Variants in MX2 observed in about 807,000 individuals in gnomAD.
MX2 encodes the protein MX dynamin like GTPase 2, also known as interferon-induced GTP-binding protein Mx2.
MX2 carries 51 observed loss-of-function variants against 74.0 expected under a neutral mutation model. The ratio of observed to expected loss-of-function variants is 0.69; its 90% CI spans 0.55 to 0.87. The LOEUF (loss-of-function observed/expected upper bound fraction) is 0.87, where lower values mean the gene tolerates loss of function less well. Ranked by LOEUF, MX2 falls within the 40% of genes least tolerant of loss-of-function variation. MX2 has a pLI of 0.00. For synonymous variants in MX2, 369 were observed against 339.3 expected, an observed-to-expected ratio of 1.09 and a Z score of -0.96; for missense variants, 832 against 908.7, an observed-to-expected ratio of 0.92 and a Z score of 1.09.
At position 41,406,917 on chromosome 21, in the gene MX2, G is replaced by C; in HGVS notation, c.1824G>C (p.Lys608Asn). The C allele has an allele frequency of 6.2e-7, 1 of 1,614,142 alleles. No individual in the cohort carries two copies. The highest frequency in any genetic ancestry group is 8.5e-7 in the Non-Finnish European group (1 of 1,180,004). The change falls in exon 13 of 14, where the codon AAG becomes AAC. Residue 608 changes from lysine to asparagine, a missense_variant. Lys to Asn is a moderately conservative substitution (Grantham distance 94). Transcript: ENST00000330714. The stretch of plus-strand genomic sequence containing the variant: ...TGGGGACGCCTTCACAGAATATGAA[G>C]TTGAACTCTCATTTTCCCAGTAATG... The part of the protein sequence containing the change: ...NPLGTPSQNM[K>N]LNSHFPSNES...
At chr21:41,376,240 A>C (rs1043601354) in intron 1 of MX2, among the ~76,000 whole-genome samples, 1 of 152,212 alleles carries the variant, frequency 6.6e-6, no homozygotes, top group Non-Finnish European at 1.5e-5. Flanking sequence ...GACCATCAGA[A>C]GTGACAAAGG....
chr21:41,403,190 G>A (rs2089836291), intron 11 of MX2, 77 bp from the exon 12 acceptor site: 3 of 1,218,598 alleles, frequency 2.5e-6, no homozygotes, highest in Admixed American at 3.7e-5. Flanking sequence ...TCCTCCCTGT[G>A]TCTTTAACCA....
rs191354980 is a variant in MX2, at chr21:41,396,200, C to T, written c.1070+415C>T. On this transcript the variant is annotated intron_variant, in intron 7 of 13. Transcript: ENST00000330714. ...ACTTCCAGAAACCCGTGTGTACCAC[C>T]GTAAACGGCACACAGGAAAACCTGC... is the stretch of plus-strand genomic sequence containing the variant. Among the ~76,000 whole-genome samples the T allele has an allele frequency of 2.6e-5, 4 of 152,280 alleles. No individual in the cohort carries two copies. In the East Asian group the frequency reaches 7.7e-4, roughly 29 times the overall value.
intron 10 of MX2, chr21:41,401,264 G>T (rs2089810479): frequency 6.6e-6 from 1 of 152,238 alleles, no homozygotes; most frequent in Admixed American, 6.5e-5. Context: ...CCATCTCATT[G>T]TGTGTGTGCT....
chr21:41,402,238 C>T lies in MX2; in HGVS notation c.1573+110C>T, dbSNP rs114268282. ...GAGTTACCAAACCAGCCTGCAGACA[C>T]GCTCACTGGTGTGCTAGATTGCTAC... On this transcript the variant is annotated intron_variant, in intron 11 of 13. Coordinates refer to ENST00000330714, the MANE Select transcript of MX2 (RefSeq NM_002463.2). This position sits in a 1 kb window ranked among gnomAD's most constrained non-coding sequence, Gnocchi z 4.5. 6.1e-4 allele frequency: 770 copies of T among 1,269,198 alleles called. 5 individuals are homozygous for T. In the African/African-American group the frequency reaches 8.7e-3, roughly 14 times the overall value. 78.6% of individuals were successfully genotyped at this position (1,269,198 alleles called of 1,614,324 possible). A position where few individuals can be genotyped will look rare whatever the true frequency, so the allele number is the denominator to read the frequency against.
rs114539662 is a variant in MX2, at chr21:41,395,046, A to G, written c.872-541A>G. 3.9e-3 allele frequency among the ~76,000 whole-genome samples: 599 copies of G among 152,294 alleles called. 7 individuals are homozygous for G. Among genetic ancestry groups the G allele is most frequent in the African/African-American group, 0.014 (575 of 41,552 alleles). ...AAGTGCTTTTCAACATACACAAACA[A>G]GAAATGCAGTGGCAATTTGACACTC... On this transcript the variant is annotated intron_variant, in intron 6 of 13. Coordinates refer to ENST00000330714, the MANE Select transcript of MX2 (RefSeq NM_002463.2).
chr21:41,381,723 A>T (rs2089497634), intron 4 of MX2, among the ~76,000 whole-genome samples: 1 of 151,686 alleles, frequency 6.6e-6, no homozygotes, highest in African/African-American at 2.4e-5. Flanking sequence ...AATAGCGAGC[A>T]AACCCAAGAC....
At chr21:41,369,305 G>A (rs559484172) in intron 1 of MX2, among the ~76,000 whole-genome samples, 177 of 152,312 alleles carry the variant, frequency 1.2e-3, no homozygotes, top group Middle Eastern at 6.8e-3. Flanking sequence ...TCCCAGTGAG[G>A]AGGGACCCCA....
rs1037277459 is a variant in MX2 at position 41,403,419 on chromosome 21, G to A, written c.1650+76G>A. The stretch of plus-strand genomic sequence containing the variant: ...CCTTGAGAGAAGTTGGATATTCACT[G>A]TCATTTGGAACCATGAGGCCAGGGA... On this transcript the variant is annotated intron_variant, in intron 12 of 13. Transcript: ENST00000330714. The A allele has an allele frequency of 6.3e-6, 8 of 1,279,916 alleles. No homozygotes were observed. The African/African-American group carries it at 1.0e-4, about 16-fold the overall frequency. The allele number at this position is 1,279,916 out of a possible 1,614,324, so 79.3% of individuals were successfully genotyped here.
At chr21:41,371,137 A>G (rs1055585552) in intron 1 of MX2, among the ~76,000 whole-genome samples, 3 of 152,218 alleles carry the variant, frequency 2.0e-5, no homozygotes, top group Admixed American at 6.5e-5. Flanking sequence ...AAATACACAC[A>G]AAGAAATCCA....
chr21:41,399,398 G>A, intron 10 of MX2, 61 bp downstream of exon 10: 4 of 1,540,084 alleles, frequency 2.6e-6, no homozygotes, highest in East Asian at 2.3e-5. Context: ...CAGAGGCTAT[G>A]TCCAGCACAT....
At chr21:41,403,124 G>A (rs999105431) in intron 11 of MX2, 143 bp from the exon 12 acceptor site, 14 of 636,438 alleles carry the variant, frequency 2.2e-5, no homozygotes, top group African/African-American at 7.3e-5. Context: ...CTCCTATCGC[G>A]GTTTGCAGGT....
At chr21:41,405,339 C>G (rs1376305700) in intron 12 of MX2, among the ~76,000 whole-genome samples, 1 of 152,044 alleles carries the variant, frequency 6.6e-6, no homozygotes, top group Middle Eastern at 3.2e-3. Context: ...CAAAGTCCCA[C>G]AGACTGGATG....
At chr21:41,403,219 T>C (rs1202401627) in intron 11 of MX2, 48 bp from the exon 12 acceptor site, 1 of 1,453,020 alleles carries the variant, frequency 6.9e-7, no homozygotes, top group Admixed American at 1.7e-5. Context: ...TCTGCTTGCA[T>C]TTTACTGATG....
In MX2 at chr21:41,408,272, C is replaced by CA; in HGVS notation, c.*40dup. On this transcript the variant is annotated 3_prime_UTR_variant, in exon 14 of 14. Coordinates refer to ENST00000330714, the MANE Select transcript of MX2 (RefSeq NM_002463.2). ...CTGTGGTTGTTTTCTTGTGCGTACTCATTCATTCTAAGGGGAGTCGGTGCA... is the reference window on the plus strand; with the variant it reads ...CTGTGGTTGTTTTCTTGTGCGTACTCAATTCATTCTAAGGGGAGTCGGTGCA... 1 of 1,606,456 alleles carries CA rather than the reference C, an allele frequency of 6.2e-7. No individual in the cohort carries two copies. The highest frequency in any genetic ancestry group is 1.1e-5 in the South Asian group (1 of 90,224).
In MX2 at chr21:41,390,564, G is replaced by A. The variant is rs926812660; in HGVS notation, c.733-1G>A. 2 of 1,613,996 alleles carry A rather than the reference G, an allele frequency of 1.2e-6. No homozygotes were observed. Among genetic ancestry groups the A allele is most frequent in the Admixed American group, 1.7e-5 (1 of 60,004 alleles). Reference sequence around the variant, plus strand: ...TTCTTTGTGCGATTCTTTGGCATCAGATCAAGGCTCTCATCAAGAAGTACA... The same window carrying A: ...TTCTTTGTGCGATTCTTTGGCATCAAATCAAGGCTCTCATCAAGAAGTACA... On this transcript the variant is annotated splice_acceptor_variant, in intron 5 of 13. Coordinates refer to ENST00000330714, the MANE Select transcript of MX2 (RefSeq NM_002463.2). LOFTEE classifies it high-confidence loss of function.
rs2089474741 is a variant in MX2 at position 41,380,469 on chromosome 21, C to T, written c.577+318C>T. Among the ~76,000 whole-genome samples the T allele has an allele frequency of 3.9e-5, 6 of 152,264 alleles. No homozygotes were observed. In the South Asian group the frequency reaches 1.2e-3, roughly 32 times the overall value. On this transcript the variant is annotated intron_variant, in intron 4 of 13. Transcript: ENST00000330714. The surrounding 1 kb of genome is among the most constrained non-coding windows in gnomAD (Gnocchi z 4.3). ...TTTCTCTACTCCACAGGGTACTCGC[C>T]CTCTCTTCCTTCCAGGTTTCTCCCC... is the stretch of plus-strand genomic sequence containing the variant.
chr21:41,362,249 T>C (rs576705378), intron 1 of MX2, among the ~76,000 whole-genome samples, 194 bp downstream of exon 1: 1 of 152,214 alleles, frequency 6.6e-6, no homozygotes, highest in South Asian at 2.1e-4. Context: ...CACAGTAGCC[T>C]TGTGCACAGA....
chr21:41,397,909 CAG>C (rs968995609), intron 8 of MX2, among the ~76,000 whole-genome samples: 43 of 152,200 alleles, frequency 2.8e-4, no homozygotes, highest in African/African-American at 8.4e-4. Context: ...AATTGGTCAA[CAG>C]GGGGGAAAAA....
Sources: allele counts gnomAD v4.1 joint callset (sites outside exome capture counted in the v4.1 genomes callset), GRCh38; gene constraint gnomAD v4.1.1; non-coding constraint Gnocchi (gnomAD v3.1); transcripts MANE v1.5; gene names NCBI Gene and HGNC (gene_info 2026-07-23, HGNC 2026-07-21).